Variants in ZNF100 observed in about 807,000 individuals in gnomAD.
The protein encoded by ZNF100 is zinc finger protein 100, also known as zinc finger protein 100 (Y1).
A neutral mutation model predicts 15.8 loss-of-function variants in ZNF100; 12 were observed. The observed-to-expected ratio is 0.76, with a 90% CI of 0.49 to 1.23. The LOEUF (loss-of-function observed/expected upper bound fraction) is 1.23, where lower values mean the gene tolerates loss of function less well. ZNF100 is among the 50% of genes most tolerant of loss of function. The pLI, the probability that ZNF100 is intolerant of heterozygous loss-of-function variation, is 0.00. For synonymous variants in ZNF100, 226 were observed against 214.8 expected, an observed-to-expected ratio of 1.05 and a Z score of -0.45; for missense variants, 670 against 635.6, an observed-to-expected ratio of 1.05 and a Z score of -0.58.
At chr19:21,745,561 G>A (rs534598384) in intron 2 of ZNF100, among the ~76,000 whole-genome samples, 1 of 151,664 alleles carries the variant, frequency 6.6e-6, no homozygotes, top group African/African-American at 2.4e-5. Flanking sequence ...TGTCGCCCAG[G>A]CCGGACTGCG....
intron 1 of ZNF100, among the ~76,000 whole-genome samples, chr19:21,766,618 T>C (rs573016662): frequency 2.6e-5 from 4 of 152,296 alleles, no homozygotes; most frequent in African/African-American, 9.6e-5. Flanking sequence ...ATTTTATAAA[T>C]GACTTTCCTT....
rs765753867 is a variant in ZNF100 at position 21,727,519 on chromosome 19, C to G, written c.793G>C (p.Glu265Gln). ...HTGEKPYKCE[E>Q]CGKAFNRSSH... Reference sequence around the variant, plus strand: ...GACCGGTTAAATGCTTTCCCACATTCTTCACATTTGTAGGGTTTCTCTCCA... The same window carrying G: ...GACCGGTTAAATGCTTTCCCACATTGTTCACATTTGTAGGGTTTCTCTCCA... The change falls in exon 5 of 5, where the codon GAA becomes CAA. Residue 265 changes from glutamate (E) to glutamine (Q), a missense_variant. Coordinates refer to ENST00000358296, the MANE Select transcript of ZNF100 (RefSeq NM_173531.4). The G allele has an allele frequency of 7.4e-6, 12 of 1,613,638 alleles. No individual in the cohort carries two copies. In the Middle Eastern group the frequency reaches 6.6e-4, roughly 88 times the overall value.
intron 2 of ZNF100, among the ~76,000 whole-genome samples, chr19:21,745,538 C>T (rs1422210770): frequency 4.0e-5 from 6 of 149,658 alleles, no homozygotes; most frequent in Admixed American, 1.3e-4. Context: ...TTTTCTGAGA[C>T]GGAGTCTCGC....
Position 21,767,537 on chromosome 19 carries a change from G to C in ZNF100, c.-108C>G, listed in dbSNP as rs1016038700. 4 of 1,507,066 alleles carry C rather than the reference G, an allele frequency of 2.7e-6. No homozygotes were observed. The highest frequency in any genetic ancestry group is 3.9e-5 in the Admixed American group (2 of 50,718). The allele number at this position is 1,507,066 out of a possible 1,614,324, so 93.4% of individuals were successfully genotyped here. On this transcript the variant is annotated 5_prime_UTR_variant, in exon 1 of 5. Coordinates refer to ENST00000358296, the MANE Select transcript of ZNF100 (RefSeq NM_173531.4). The stretch of plus-strand genomic sequence containing the variant: ...CTAGGAGCAGAAGACACAGAGAAGT[G>C]AGAGCAAAACCTGGAGCTCCGGCTA...
Position 21,726,923 on chromosome 19 carries a change from G to A in ZNF100, c.1389C>T (p.Gly463=). The A allele has an allele frequency of 6.2e-7, 1 of 1,610,906 alleles. No homozygotes were observed. Among genetic ancestry groups the A allele is most frequent in the Non-Finnish European group, 8.5e-7 (1 of 1,178,998 alleles). ...GEKPYKCDEC[G]KAFNRSSQLT... Reference sequence around the variant, plus strand: ...GTTGTGAGGACCGGTTAAAGGCTTTGCCACATTCGTCACATTTGTAGGGTT... The same window carrying A: ...GTTGTGAGGACCGGTTAAAGGCTTTACCACATTCGTCACATTTGTAGGGTT... The change falls in exon 5 of 5, where the codon GGC becomes GGT. Residue 463 remains glycine (G), a synonymous_variant. Transcript: ENST00000358296.
chr19:21,730,526 T>A (rs2035897986), intron 4 of ZNF100, among the ~76,000 whole-genome samples: 1 of 151,704 alleles, frequency 6.6e-6, no homozygotes, highest in African/African-American at 2.4e-5. Context: ...TTGATAGAAC[T>A]GAAGAAACAT....
In ZNF100 at chr19:21,727,203, T is replaced by C. The variant is rs1456224188; in HGVS notation, c.1109A>G (p.Glu370Gly). The C allele has an allele frequency of 6.2e-7, 1 of 1,613,668 alleles. No homozygotes were observed. Among genetic ancestry groups the C allele is most frequent in the Non-Finnish European group, 8.5e-7 (1 of 1,179,912 alleles). The change falls in exon 5 of 5, where the codon GAG becomes GGG. Residue 370 changes from glutamate to glycine, a missense_variant. Physicochemically the swap from Glu to Gly is moderately conservative, Grantham distance 98 (BLOSUM62 -2). Coordinates refer to ENST00000358296, the MANE Select transcript of ZNF100 (RefSeq NM_173531.4). ...ACATTCTTCACATTTGTAAGGTTTCTCTCCAGCATGAGTTATCTTATGTGT... is the reference window on the plus strand; with the variant it reads ...ACATTCTTCACATTTGTAAGGTTTCCCTCCAGCATGAGTTATCTTATGTGT... ...LTTHKITHAGEKPYKCEECGK... is the reference protein window; with the variant it reads ...LTTHKITHAGGKPYKCEECGK...
chr19:21,741,183 TATGAG>T (rs2036100483), intron 4 of ZNF100, among the ~76,000 whole-genome samples: 1 of 152,218 alleles, frequency 6.6e-6, no homozygotes, highest in Non-Finnish European at 1.5e-5. Flanking sequence ...ATTCCACTTA[TATGAG>T]ATATCTTAAA....
chr19:21,731,029 A>C (rs2035907554), intron 4 of ZNF100, among the ~76,000 whole-genome samples: 1 of 152,170 alleles, frequency 6.6e-6, no homozygotes, highest in Non-Finnish European at 1.5e-5. Flanking sequence ...CCAAAAGTAT[A>C]TAAAATGTCA....
chr19:21,760,040 G>C (rs1330105622), intron 2 of ZNF100, among the ~76,000 whole-genome samples: 1 of 151,720 alleles, frequency 6.6e-6, no homozygotes, highest in African/African-American at 2.4e-5. Context: ...AAATTAGCTG[G>C]GCGTGGTGGC....
chr19:21,761,257 GAGTAA>G (rs1352254829), intron 2 of ZNF100, among the ~76,000 whole-genome samples: 1 of 152,080 alleles, frequency 6.6e-6, no homozygotes, highest in African/African-American at 2.4e-5. Flanking sequence ...TTTAACAATT[GAGTAA>G]AGTATACACC....
At chr19:21,750,901 C>T (rs1280648380) in intron 2 of ZNF100, 1 of 588,236 alleles carries the variant, frequency 1.7e-6, no homozygotes, top group East Asian at 2.8e-5. Flanking sequence ...TCAAGCTGGG[C>T]CGGTGCGTGG....
chr19:21,740,979 C>G, intron 4 of ZNF100, among the ~76,000 whole-genome samples: 1 of 149,952 alleles, frequency 6.7e-6, no homozygotes, highest in Non-Finnish European at 1.5e-5. Flanking sequence ...ATTATTGTAC[C>G]AGTACTCACA....
In ZNF100 at chr19:21,728,882, T is replaced by C. The variant is rs139157573; in HGVS notation, c.323-893A>G. Among the ~76,000 whole-genome samples, 194 of 151,774 alleles carry C rather than the reference T, an allele frequency of 1.3e-3. 1 individual carries two copies. The highest frequency in any genetic ancestry group is 4.5e-3 in the African/African-American group (186 of 41,462). On this transcript the variant is annotated intron_variant, in intron 4 of 4. Coordinates refer to ENST00000358296, the MANE Select transcript of ZNF100 (RefSeq NM_173531.4). ...AGTGAAACAGGAAGACAGAGAACTATAGAAAATCAGAAAAATGAAGATAAG... is the reference window on the plus strand; with the variant it reads ...AGTGAAACAGGAAGACAGAGAACTACAGAAAATCAGAAAAATGAAGATAAG...
chr19:21,741,666 C>T (rs1280984437), intron 4 of ZNF100, among the ~76,000 whole-genome samples: 4 of 151,864 alleles, frequency 2.6e-5, no homozygotes, highest in Admixed American at 2.0e-4. Flanking sequence ...TGAGCCACCA[C>T]GCCTGGCATG....
chr19:21,752,898 A>G (rs4808297), intron 2 of ZNF100: 129,411 of 152,162 alleles, frequency 0.85, 55,660 homozygotes, highest in Middle Eastern at 0.93. Context: ...GCTGTTCACC[A>G]GTGCAGTCAT....
chr19:21,757,101 G>A (rs539317503), intron 2 of ZNF100, among the ~76,000 whole-genome samples: 31 of 152,268 alleles, frequency 2.0e-4, no homozygotes, highest in African/African-American at 7.0e-4. Flanking sequence ...TAAGGAGTGC[G>A]ATACCAGCCT....
chr19:21,744,159 A>C (rs2036170843), intron 3 of ZNF100, 44 bp from the exon 4 acceptor site: 1 of 1,546,598 alleles, frequency 6.5e-7, no homozygotes, highest in African/African-American at 1.4e-5. Flanking sequence ...ATATTCTCCA[A>C]TTACCAACCT....
intron 2 of ZNF100, among the ~76,000 whole-genome samples, chr19:21,764,478 C>T (rs1408117690): frequency 3.3e-5 from 5 of 151,902 alleles, no homozygotes; most frequent in Admixed American, 2.0e-4. Context: ...CCCGCCTCTA[C>T]TAAAAGTACA....
Sources: gnomAD v4.1 joint callset for allele counts (sites outside exome capture counted in the v4.1 genomes callset) on GRCh38, gnomAD v4.1.1 for gene constraint, MANE v1.5 for transcripts, NCBI Gene and HGNC (gene_info 2026-07-23, HGNC 2026-07-21) for gene names.